The following SLC9A9 variants were observed in gnomAD, a reference collection of about 807,000 sequenced individuals.
The protein encoded by SLC9A9 is solute carrier family 9 member A9, also known as sodium/hydrogen exchanger 9.
In SLC9A9, 62 loss-of-function variants were observed where a neutral mutation model predicts 77.8. That is an observed-to-expected ratio of 0.80 (90% confidence interval 0.65 to 0.98). The LOEUF (loss-of-function observed/expected upper bound fraction) is 0.98. SLC9A9 is among the 50% of genes least tolerant of loss of function. The pLI is 0.00. For synonymous variants in SLC9A9, 320 were observed against 283.5 expected (o/e 1.13, Z -1.29); for missense variants, 775 against 774.9 (o/e 1.00, Z 0.00).
At chr3:143,765,348 A>G (rs2007280404) in intron 4 of SLC9A9, among the ~76,000 whole-genome samples, 1 of 151,608 alleles carries the variant, frequency 6.6e-6, no homozygotes, top group Non-Finnish European at 1.5e-5. Context: ...CAAGATTCCT[A>G]TTTTCTAACT....
chr3:143,694,838 G>A (rs1430605300), intron 4 of SLC9A9, among the ~76,000 whole-genome samples: 1 of 152,158 alleles, frequency 6.6e-6, no homozygotes, highest in Admixed American at 6.5e-5. Context: ...AGACAGCAAT[G>A]AAGTATCCCT....
chr3:143,506,905 T>A (rs1187829001), intron 9 of SLC9A9, among the ~76,000 whole-genome samples: 3 of 152,116 alleles, frequency 2.0e-5, no homozygotes, highest in Non-Finnish European at 4.4e-5. Flanking sequence ...TAAAATCGTG[T>A]CTTTAAAAAA....
At chr3:143,716,697 C>T (rs1934361749) in intron 4 of SLC9A9, among the ~76,000 whole-genome samples, 1 of 152,094 alleles carries the variant, frequency 6.6e-6, no homozygotes, top group Admixed American at 6.6e-5. Flanking sequence ...AAAGTATTGA[C>T]ACAAAAACAA....
At chr3:143,729,979 C>T (rs987001248) in intron 4 of SLC9A9, among the ~76,000 whole-genome samples, 2 of 152,120 alleles carry the variant, frequency 1.3e-5, no homozygotes, top group African/African-American at 4.8e-5. Flanking sequence ...GTGTGCTTTC[C>T]CTTGTAGCCT....
intron 6 of SLC9A9, among the ~76,000 whole-genome samples, chr3:143,639,571 T>G (rs1323039791): frequency 6.6e-6 from 1 of 152,248 alleles, no homozygotes; most frequent in African/African-American, 2.4e-5. Flanking sequence ...GCTAGTCTTC[T>G]TCCCAGCTTT....
chr3:143,279,576 C>A (rs931046139), intron 14 of SLC9A9, among the ~76,000 whole-genome samples: 1 of 152,126 alleles, frequency 6.6e-6, no homozygotes, highest in Middle Eastern at 3.2e-3. Context: ...TCCCCCACCA[C>A]TCAACGGGCC....
chr3:143,440,807 T>C (rs1396739309), intron 12 of SLC9A9, among the ~76,000 whole-genome samples: 1 of 152,204 alleles, frequency 6.6e-6, no homozygotes, highest in Non-Finnish European at 1.5e-5. Context: ...GCCGTTTAAA[T>C]ATATTCATGG....
intron 14 of SLC9A9, among the ~76,000 whole-genome samples, chr3:143,355,481 T>C (rs2032562209): frequency 6.6e-6 from 1 of 152,228 alleles, no homozygotes; most frequent in Non-Finnish European, 1.5e-5. Context: ...AGACACAGAA[T>C]GGTTAAATAA....
At chr3:143,702,283 CTG>C (rs1367488299) in intron 4 of SLC9A9, among the ~76,000 whole-genome samples, 1 of 152,106 alleles carries the variant, frequency 6.6e-6, no homozygotes, top group Non-Finnish European at 1.5e-5. Context: ...AACACTGTGT[CTG>C]TGGAATATAA....
intron 4 of SLC9A9, among the ~76,000 whole-genome samples, chr3:143,726,438 A>G (rs1934658841): frequency 6.6e-6 from 1 of 152,146 alleles, no homozygotes. Context: ...TAAAATGGGT[A>G]TCTTCTATTG....
intron 12 of SLC9A9, among the ~76,000 whole-genome samples, chr3:143,437,362 C>T (rs2034639573): frequency 6.6e-6 from 1 of 152,354 alleles, no homozygotes; most frequent in East Asian, 1.9e-4. Flanking sequence ...GCTTCCAGAA[C>T]TGCCCTGGTC....
intron 12 of SLC9A9, among the ~76,000 whole-genome samples, chr3:143,428,261 A>ACCTGAATAGACAT (rs1298636392): frequency 2.5e-4 from 16 of 63,094 alleles, no homozygotes; most frequent in Non-Finnish European, 3.2e-5. Flanking sequence ...TGGATAAAAG[A>ACCTGAATAGACAT]CCTGAATAGA....
At chr3:143,271,074 A>G (rs1937883010) in intron 14 of SLC9A9, among the ~76,000 whole-genome samples, 1 of 151,858 alleles carries the variant, frequency 6.6e-6, no homozygotes, top group Non-Finnish European at 1.5e-5. Flanking sequence ...TGTCTACACT[A>G]CTTGCCCCCT....
At chr3:143,404,301 G>A (rs1263859905) in intron 12 of SLC9A9, among the ~76,000 whole-genome samples, 2 of 151,474 alleles carry the variant, frequency 1.3e-5, no homozygotes, top group Admixed American at 1.3e-4. Context: ...AGCCTCCCGA[G>A]TAGCTGGGAT....
At chr3:143,787,824 A>G (rs1303772422) in intron 4 of SLC9A9, among the ~76,000 whole-genome samples, 4 of 151,510 alleles carry the variant, frequency 2.6e-5, no homozygotes, top group African/African-American at 9.7e-5. Flanking sequence ...AGGTATACAA[A>G]TACAAATGAA....
chr3:143,605,733 AT>A (rs2037911039), intron 6 of SLC9A9, among the ~76,000 whole-genome samples: 1 of 152,164 alleles, frequency 6.6e-6, no homozygotes, highest in South Asian at 2.1e-4. Flanking sequence ...AAGGCCTCAA[AT>A]TTGTTTTCGG....
At chr3:143,828,266 T>C (rs181591970) in intron 2 of SLC9A9, among the ~76,000 whole-genome samples, 2 of 152,266 alleles carry the variant, frequency 1.3e-5, no homozygotes, top group East Asian at 3.9e-4. Context: ...AATGATAATT[T>C]CTAAATACTG....
intron 8 of SLC9A9, among the ~76,000 whole-genome samples, chr3:143,571,226 A>G (rs1268759516): frequency 6.6e-6 from 1 of 152,166 alleles, no homozygotes; most frequent in Admixed American, 6.5e-5. Context: ...AGGCTCCACG[A>G]TTGCTGGTTA....
At chr3:143,402,642 T>C (rs1393047890) in intron 12 of SLC9A9, among the ~76,000 whole-genome samples, 2 of 152,046 alleles carry the variant, frequency 1.3e-5, no homozygotes, top group East Asian at 3.8e-4. Context: ...ATGTCATAAG[T>C]CTATTTGTCT....
Sources: gnomAD v4.1 joint callset for allele counts (sites outside exome capture counted in the v4.1 genomes callset) on GRCh38, gnomAD v4.1.1 for gene constraint, MANE v1.5 for transcripts, NCBI Gene and HGNC (gene_info 2026-07-23, HGNC 2026-07-21) for gene names.